The following TMEM132D variants were observed in gnomAD, a reference collection of about 807,000 sequenced individuals.
TMEM132D encodes transmembrane protein 132D, also known as mature OL transmembrane protein.
TMEM132D carries 21 observed loss-of-function variants against 62.3 expected under a neutral mutation model. That is an observed-to-expected ratio of 0.34 (90% confidence interval 0.24 to 0.49). The LOEUF (loss-of-function observed/expected upper bound fraction) is 0.49. Ranked by LOEUF, TMEM132D falls within the 20% of genes least tolerant of loss-of-function variation. The probability of loss-of-function intolerance (pLI) is 0.99; values close to 1 mark genes in which losing one functional copy is unlikely to be tolerated. For synonymous variants in TMEM132D, 621 were observed against 575.6 expected (o/e 1.08, Z -1.13); for missense variants, 1,346 against 1,402.8 (o/e 0.96, Z 0.65).
Position 129,867,327 on chromosome 12 carries a change from G to A in TMEM132D, c.79+35934C>T, listed in dbSNP as rs1874090827. Among the ~76,000 whole-genome samples the A allele has an allele frequency of 6.6e-6, 1 of 151,912 alleles. No individual in the cohort carries two copies. The highest frequency in any genetic ancestry group is 1.5e-5 in the Non-Finnish European group (1 of 67,978). The stretch of plus-strand genomic sequence containing the variant: ...ATATATACATGACACTGAAAGACAC[G>A]AAGTTAAGTGAAATAAGCCAGGCAC... On this transcript the variant is annotated intron_variant, in intron 1 of 8. Coordinates refer to ENST00000422113, the MANE Select transcript of TMEM132D (RefSeq NM_133448.3). The surrounding 1 kb of genome is among the most constrained non-coding windows in gnomAD (Gnocchi z 4.5).
intron 5 of TMEM132D, among the ~76,000 whole-genome samples, chr12:129,135,311 T>C (rs2099268376): frequency 6.6e-6 from 1 of 152,202 alleles, no homozygotes; most frequent in Admixed American, 6.5e-5. Context: ...GGAATGATGG[T>C]CATGACCTCA....
At chr12:129,675,949 A>G (rs1020774886) in intron 2 of TMEM132D, among the ~76,000 whole-genome samples, 1 of 152,222 alleles carries the variant, frequency 6.6e-6, no homozygotes, top group African/African-American at 2.4e-5. Context: ...GGCTCTCTTA[A>G]CACACAGAGA....
chr12:129,534,458 A>G (rs1593055243), intron 2 of TMEM132D, among the ~76,000 whole-genome samples: 2 of 151,714 alleles, frequency 1.3e-5, no homozygotes, highest in South Asian at 4.2e-4. Context: ...CAATTTGTAT[A>G]TACATATATG....
intron 4 of TMEM132D, among the ~76,000 whole-genome samples, chr12:129,278,926 G>T (rs929438624): frequency 1.3e-5 from 2 of 152,192 alleles, no homozygotes; most frequent in Non-Finnish European, 1.5e-5. Context: ...TGGTTGTGTA[G>T]GTCCTGAGGC....
chr12:129,193,182 A>G (rs909698386), intron 5 of TMEM132D, among the ~76,000 whole-genome samples: 1 of 151,758 alleles, frequency 6.6e-6, no homozygotes, highest in African/African-American at 2.4e-5. Context: ...AAAAAAAGAT[A>G]CAACAGCTTT....
chr12:129,461,942 C>A (rs1873691259), intron 3 of TMEM132D, among the ~76,000 whole-genome samples: 1 of 152,112 alleles, frequency 6.6e-6, no homozygotes, highest in African/African-American at 2.4e-5. Context: ...AGGTTATCTC[C>A]TTTGATGATT....
intron 1 of TMEM132D, among the ~76,000 whole-genome samples, chr12:129,797,859 C>G (rs762445361): frequency 7.2e-5 from 11 of 152,172 alleles, no homozygotes; most frequent in Non-Finnish European, 1.3e-4. Context: ...ACTAGTTGAT[C>G]AATGCATCCT....
chr12:129,626,645 C>T (rs530827864), intron 2 of TMEM132D, among the ~76,000 whole-genome samples: 10 of 152,106 alleles, frequency 6.6e-5, no homozygotes, highest in South Asian at 2.1e-4. Context: ...TTAGTAGAGA[C>T]GGGGTTTCAC....
At position 129,543,615 on chromosome 12, in the gene TMEM132D, A is replaced by G. The variant is rs570221007; in HGVS notation, c.969-12410T>C. ...ATCTATAGTGTTGAATGTCTCATGT[A>G]ATTTACTGAAAACTGTATTGAAAGT... On this transcript the variant is annotated intron_variant, in intron 2 of 8. Coordinates refer to ENST00000422113, the MANE Select transcript of TMEM132D (RefSeq NM_133448.3). Among the ~76,000 whole-genome samples, 24 of 152,250 alleles carry G rather than the reference A, an allele frequency of 1.6e-4. No homozygotes were observed. In the South Asian group the frequency reaches 4.8e-3, roughly 30 times the overall value.
intron 3 of TMEM132D, among the ~76,000 whole-genome samples, chr12:129,467,207 G>C (rs1168590103): frequency 6.6e-6 from 1 of 152,162 alleles, no homozygotes; most frequent in Non-Finnish European, 1.5e-5. Context: ...TAATTTGTTG[G>C]ATTATATGAC....
At chr12:129,353,043 T>C (rs1869919539) in intron 3 of TMEM132D, among the ~76,000 whole-genome samples, 1 of 152,196 alleles carries the variant, frequency 6.6e-6, no homozygotes, top group South Asian at 2.1e-4. Context: ...GGGTCTGGAT[T>C]GGGACCTCTT....
chr12:129,234,352 C>G (rs899726625), intron 4 of TMEM132D, among the ~76,000 whole-genome samples: 2 of 152,070 alleles, frequency 1.3e-5, no homozygotes, highest in Admixed American at 6.5e-5. Flanking sequence ...TTAGAATTGA[C>G]GTGCAAGTAA....
chr12:129,453,113 G>A (rs1566073632), intron 3 of TMEM132D, among the ~76,000 whole-genome samples: 1 of 152,212 alleles, frequency 6.6e-6, no homozygotes, highest in Non-Finnish European at 1.5e-5. Flanking sequence ...GATCTAGGTT[G>A]TGCATTCCTT....
chr12:129,468,990 T>C (rs896582277), intron 3 of TMEM132D, among the ~76,000 whole-genome samples: 3 of 152,228 alleles, frequency 2.0e-5, no homozygotes, highest in Non-Finnish European at 2.9e-5. Context: ...ACAGACACTC[T>C]GTCTCCTACA....
At chr12:129,821,487 C>T (rs982972586) in intron 1 of TMEM132D, among the ~76,000 whole-genome samples, 5 of 152,166 alleles carry the variant, frequency 3.3e-5, no homozygotes, top group Non-Finnish European at 5.9e-5. Context: ...AGTCTGCCAG[C>T]CCATAATTTC....
At chr12:129,159,283 T>C (rs1245208382) in intron 5 of TMEM132D, among the ~76,000 whole-genome samples, 1 of 152,178 alleles carries the variant, frequency 6.6e-6, no homozygotes, top group African/African-American at 2.4e-5. Flanking sequence ...AGGGACCACA[T>C]GAGTGCAAGT....
At chr12:129,726,966 G>A (rs1487249699) in intron 1 of TMEM132D, among the ~76,000 whole-genome samples, 2 of 152,134 alleles carry the variant, frequency 1.3e-5, no homozygotes, top group Non-Finnish European at 2.9e-5. Flanking sequence ...AAATACTAGT[G>A]CCTCCCCACC....
chr12:129,097,438 CAT>C (rs1875152271), intron 5 of TMEM132D, among the ~76,000 whole-genome samples: 1 of 152,144 alleles, frequency 6.6e-6, no homozygotes, highest in African/African-American at 2.4e-5. Flanking sequence ...AAAAAACAAA[CAT>C]ATTTATGAAC....
At chr12:129,616,999 T>C (rs1227524306) in intron 2 of TMEM132D, among the ~76,000 whole-genome samples, 1 of 152,190 alleles carries the variant, frequency 6.6e-6, no homozygotes, top group Non-Finnish European at 1.5e-5. Flanking sequence ...TTTGCATGCA[T>C]CATTCATGTT....
Sources: gnomAD v4.1 joint callset for allele counts (sites outside exome capture counted in the v4.1 genomes callset) on GRCh38, gnomAD v4.1.1 for gene constraint, Gnocchi (gnomAD v3.1) non-coding constraint, MANE v1.5 for transcripts, NCBI Gene and HGNC (gene_info 2026-07-23, HGNC 2026-07-21) for gene names.